NCOA3: variants seen among roughly 807,000 people sequenced by gnomAD.
The protein encoded by NCOA3 is nuclear receptor coactivator 3, also known as CBP-interacting protein.
A neutral mutation model predicts 158.8 loss-of-function variants in NCOA3; 51 were observed. The ratio of observed to expected loss-of-function variants is 0.32; its 90% confidence interval spans 0.26 to 0.41. NCOA3 has a LOEUF of 0.41. Ranked by LOEUF, NCOA3 falls within the 10% of genes least tolerant of loss-of-function variation. NCOA3 has a pLI of 1.00. For synonymous variants in NCOA3, 537 were observed against 592.4 expected, an observed-to-expected ratio of 0.91 and a Z score of 1.36; for missense variants, 1,510 against 1,746.6, an observed-to-expected ratio of 0.86 and a Z score of 2.41.
chr20:47,645,159 T>C (rs2146337753), intron 17 of NCOA3, among the ~76,000 whole-genome samples: 1 of 152,270 alleles, frequency 6.6e-6, no homozygotes, highest in Admixed American at 6.5e-5. Context: ...ATTATAAATA[T>C]GCTAAATATA....
At chr20:47,624,230 A>G (rs947938330) in intron 4 of NCOA3, 147 bp downstream of exon 4, 1 of 617,470 alleles carries the variant, frequency 1.6e-6, no homozygotes. Context: ...TTTGTGGTGC[A>G]TTTTATTTCT....
At chr20:47,533,036 C>T (rs539520265) in intron 1 of NCOA3, among the ~76,000 whole-genome samples, 2 of 135,418 alleles carry the variant, frequency 1.5e-5, no homozygotes, top group Non-Finnish European at 3.0e-5. Context: ...ATCTGGGAGA[C>T]GGAGGTTGCA....
chr20:47,601,733 A>C (rs548927156), intron 2 of NCOA3, among the ~76,000 whole-genome samples: 1 of 152,358 alleles, frequency 6.6e-6, no homozygotes, highest in East Asian at 1.9e-4. Flanking sequence ...ATTATTTAGA[A>C]GTTGATATTG....
At chr20:47,509,280 G>C (rs974328486) in intron 1 of NCOA3, among the ~76,000 whole-genome samples, 6 of 152,126 alleles carry the variant, frequency 3.9e-5, no homozygotes, top group Non-Finnish European at 7.4e-5. Context: ...TGTGGTCCCA[G>C]CCGCATGTGA....
At chr20:47,583,380 T>C (rs1473373357) in intron 2 of NCOA3, 119 bp downstream of exon 2, 2 of 390,148 alleles carry the variant, frequency 5.1e-6, no homozygotes, top group African/African-American at 2.1e-5. Flanking sequence ...CATGTTTTTC[T>C]CTTTAATGAT....
chr20:47,512,090 G>A (rs1008026672), intron 1 of NCOA3, among the ~76,000 whole-genome samples: 2 of 151,940 alleles, frequency 1.3e-5, no homozygotes, highest in African/African-American at 4.8e-5. Flanking sequence ...TGAGGCAGGA[G>A]GACTGCTTAA....
rs867017066 is a variant in NCOA3, at chr20:47,647,297, C to G, written c.3477C>G (p.Ile1159Met). The G allele has an allele frequency of 2.5e-6, 4 of 1,614,194 alleles. No individual in the cohort carries two copies. The highest frequency in any genetic ancestry group is 1.7e-5 in the Admixed American group (1 of 60,030). Residue 1159 changes from isoleucine to methionine, a missense_variant, in exon 18 of 23, where the codon ATC becomes ATG. By Grantham distance (10) the Ile-to-Met change is conservative. Around this residue, in one of 4 missense-constraint regions of NCOA3, gnomAD observed 1,017 missense variants for 1,098.3 expected, o/e 0.93. Coordinates refer to ENST00000371998, the MANE Select transcript of NCOA3 (RefSeq NM_181659.3). Reference sequence around the variant, plus strand: ...AAGGAATGCACCCACGAGCCAACATCATGAGACCCCGGACAAACACCCCCA... The same window carrying G: ...AAGGAATGCACCCACGAGCCAACATGATGAGACCCCGGACAAACACCCCCA... ...PLQGMHPRANIMRPRTNTPKQ... is the reference protein window; with the variant it reads ...PLQGMHPRANMMRPRTNTPKQ...
intron 2 of NCOA3, among the ~76,000 whole-genome samples, chr20:47,611,955 G>T (rs1809443382): frequency 1.3e-5 from 2 of 152,104 alleles, no homozygotes; most frequent in Admixed American, 6.5e-5. Context: ...CTCCCGAGTA[G>T]CTGCGACTAC....
At chr20:47,523,558 C>T (rs2084379863) in intron 1 of NCOA3, among the ~76,000 whole-genome samples, 1 of 152,130 alleles carries the variant, frequency 6.6e-6, no homozygotes, top group Non-Finnish European at 1.5e-5. Flanking sequence ...ATAAAGAAGA[C>T]TGGAATTTAT....
intron 1 of NCOA3, among the ~76,000 whole-genome samples, chr20:47,575,441 T>A (rs1406124241): frequency 6.6e-6 from 1 of 152,226 alleles, no homozygotes. Flanking sequence ...GAATTGTTAC[T>A]AGAAAATTAC....
At chr20:47,644,582 G>T (rs2086659517) in intron 17 of NCOA3, among the ~76,000 whole-genome samples, 1 of 152,224 alleles carries the variant, frequency 6.6e-6, no homozygotes, top group Non-Finnish European at 1.5e-5. Flanking sequence ...TGTTAAGAGT[G>T]AGACATTAAG....
At chr20:47,613,714 C>T (rs1384452996) in intron 2 of NCOA3, among the ~76,000 whole-genome samples, 1 of 151,836 alleles carries the variant, frequency 6.6e-6, no homozygotes, top group Non-Finnish European at 1.5e-5. Context: ...AGTTCAAGAC[C>T]AGCCTTTCCA....
At chr20:47,570,984 A>ATGTGTGTG (rs74178747) in intron 1 of NCOA3, among the ~76,000 whole-genome samples, 5,151 of 120,508 alleles carry the variant, frequency 0.043, 321 homozygotes, top group African/African-American at 0.13. Flanking sequence ...ATATACATAT[A>ATGTGTGTG]TGTGTGTGTG....
chr20:47,574,924 C>T (rs1331072677), intron 1 of NCOA3, among the ~76,000 whole-genome samples: 1 of 152,138 alleles, frequency 6.6e-6, no homozygotes, highest in Non-Finnish European at 1.5e-5. Flanking sequence ...TTGACATCAG[C>T]ATTATATATG....
At chr20:47,647,535 A>G (rs2086709450) in intron 18 of NCOA3, among the ~76,000 whole-genome samples, 169 bp downstream of exon 18, 1 of 152,190 alleles carries the variant, frequency 6.6e-6, no homozygotes, top group African/African-American at 2.4e-5. Flanking sequence ...GTTAAGGAGT[A>G]GTTTTATGAG....
intron 1 of NCOA3, among the ~76,000 whole-genome samples, chr20:47,502,651 CAAGTGGG>C (rs1261803561): frequency 6.6e-6 from 1 of 151,076 alleles, no homozygotes; most frequent in Non-Finnish European, 1.5e-5. Flanking sequence ...TGGGAAATGG[CAAGTGGG>C]AAGTTGGTTG....
At chr20:47,558,717 A>G (rs1285959551) in intron 1 of NCOA3, among the ~76,000 whole-genome samples, 2 of 151,278 alleles carry the variant, frequency 1.3e-5, no homozygotes, top group Non-Finnish European at 2.9e-5. Flanking sequence ...AGAATCCCTC[A>G]TCTCCATCAA....
chr20:47,649,093 C>A lies in NCOA3; in HGVS notation c.3635C>A (p.Pro1212His), dbSNP rs755890653. Residue 1212 changes from proline to histidine, a missense_variant, in exon 19 of 23, where the codon CCC becomes CAC. Pro to His is a moderately conservative substitution (Grantham distance 77). Around this residue, in one of 4 missense-constraint regions of NCOA3, gnomAD observed 1,017 missense variants for 1,098.3 expected, o/e 0.93. Coordinates refer to ENST00000371998, the MANE Select transcript of NCOA3 (RefSeq NM_181659.3). ...GCGGTGATGAGGCCTATGATGCAGC[C>A]CCAGGTGAGCTCCCAGGTGAGGATG... ...GAAVMRPMMQPQVSSQQGFLN... is the reference protein window; with the variant it reads ...GAAVMRPMMQHQVSSQQGFLN... The A allele has an allele frequency of 6.2e-7, 1 of 1,612,888 alleles. No homozygotes were observed. Among genetic ancestry groups the A allele is most frequent in the East Asian group, 2.2e-5 (1 of 44,854 alleles).
intron 1 of NCOA3, among the ~76,000 whole-genome samples, chr20:47,565,877 A>G (rs1272014706): frequency 6.6e-6 from 1 of 152,176 alleles, no homozygotes; most frequent in Admixed American, 6.5e-5. Context: ...TATACTTCCT[A>G]AAAGTGATGT....
Sources: gnomAD v4.1 joint callset for allele counts (sites outside exome capture counted in the v4.1 genomes callset) on GRCh38, gnomAD v4.1.1 for gene constraint, gnomAD v4.1.1 regional missense constraint, MANE v1.5 for transcripts, NCBI Gene and HGNC (gene_info 2026-07-23, HGNC 2026-07-21) for gene names.